FSTL4: variants seen among roughly 807,000 people sequenced by gnomAD.
FSTL4 encodes follistatin like 4, also known as follistatin-related protein 4.
In FSTL4, 28 loss-of-function variants were observed where a neutral mutation model predicts 78.2. That is an observed-to-expected ratio of 0.36 (90% CI 0.27 to 0.49). The LOEUF is 0.49. Ranked by LOEUF, FSTL4 falls within the 20% of genes least tolerant of loss-of-function variation. The probability of loss-of-function intolerance (pLI) is 0.98; values close to 1 mark genes in which losing one functional copy is unlikely to be tolerated. For synonymous variants in FSTL4, 422 were observed against 440.5 expected, an observed-to-expected ratio of 0.96 and a Z score of 0.53; for missense variants, 922 against 1,084.9, an observed-to-expected ratio of 0.85 and a Z score of 2.11.
chr5:133,555,548 T>G (rs1759768913), intron 3 of FSTL4, among the ~76,000 whole-genome samples: 1 of 152,196 alleles, frequency 6.6e-6, no homozygotes, highest in Non-Finnish European at 1.5e-5. Flanking sequence ...GGAAAGCTCT[T>G]TGAGAGCAAA....
At chr5:133,516,968 T>G (rs375231680) in intron 3 of FSTL4, among the ~76,000 whole-genome samples, 6 of 152,184 alleles carry the variant, frequency 3.9e-5, no homozygotes, top group Middle Eastern at 3.4e-3. Flanking sequence ...ATCCCAGCAC[T>G]TTGGGAGACT....
chr5:133,470,807 T>TAAAATAAAATAAAATAAAAAC (rs1334334074), intron 3 of FSTL4, among the ~76,000 whole-genome samples: 37 of 139,618 alleles, frequency 2.7e-4, no homozygotes, highest in East Asian at 4.0e-4. Flanking sequence ...AAAATAAAAA[T>TAAAATAAAATAAAATAAAAAC]AAATAAATAA....
At chr5:133,767,950 C>T in the FSTL4 span, among the ~76,000 whole-genome samples, 1 of 152,016 alleles carries the variant, frequency 6.6e-6, no homozygotes, top group African/African-American at 2.4e-5. Context: ...AAAACATTGA[C>T]AAAGAGGTCA....
At chr5:133,530,153 A>T (rs1383464429) in intron 3 of FSTL4, among the ~76,000 whole-genome samples, 1 of 152,308 alleles carries the variant, frequency 6.6e-6, no homozygotes, top group East Asian at 1.9e-4. Context: ...AGACAGCTGG[A>T]GACACCCTGG....
At chr5:133,266,288 T>G (rs1469958848) in intron 6 of FSTL4, among the ~76,000 whole-genome samples, 2 of 152,276 alleles carry the variant, frequency 1.3e-5, no homozygotes, top group Non-Finnish European at 2.9e-5. Context: ...GGTCCTGACC[T>G]TGGCAGCTTC....
chr5:133,403,065 A>G (rs1288824307), intron 3 of FSTL4, among the ~76,000 whole-genome samples: 2 of 152,228 alleles, frequency 1.3e-5, no homozygotes, highest in Non-Finnish European at 2.9e-5. Context: ...GGGTTGTTGG[A>G]AAATGGGTTA....
chr5:133,243,703 T>C (rs1011197606), intron 7 of FSTL4: 1 of 152,290 alleles, frequency 6.6e-6, no homozygotes, highest in African/African-American at 2.4e-5. Context: ...GATGAGCTGA[T>C]GCTTATGACC....
chr5:133,748,244 T>A, the FSTL4 span, among the ~76,000 whole-genome samples: 1 of 150,640 alleles, frequency 6.6e-6, no homozygotes, highest in Admixed American at 6.6e-5. Context: ...AACCAACTGC[T>A]CCCTGCCCTT....
Position 133,232,398 on chromosome 5 carries a change from AC to A in FSTL4, c.1015+1018del, listed in dbSNP as rs531319529. Among the ~76,000 whole-genome samples, 516 of 152,214 alleles carry A rather than the reference AC, an allele frequency of 3.4e-3. 2 individuals carry two copies. Among genetic ancestry groups the A allele is most frequent in the African/African-American group, 0.012 (483 of 41,524 alleles). On this transcript the variant is annotated intron_variant, in intron 8 of 15. Coordinates refer to ENST00000265342, the MANE Select transcript of FSTL4 (RefSeq NM_015082.2). ...AGCCTATATTCTATTCTTGGCTTGAACGTTTTCTCTGGGTCTTGATTTTCCA... is the reference window on the plus strand; with the variant it reads ...AGCCTATATTCTATTCTTGGCTTGAAGTTTTCTCTGGGTCTTGATTTTCCA...
chr5:133,201,577 C>T (rs1037031074), intron 15 of FSTL4, among the ~76,000 whole-genome samples: 4 of 152,188 alleles, frequency 2.6e-5, no homozygotes, highest in Middle Eastern at 3.2e-3. Flanking sequence ...GGGTTAAGAC[C>T]ACTGGGACTA....
intron 3 of FSTL4, among the ~76,000 whole-genome samples, chr5:133,439,828 T>C (rs969504702): frequency 1.3e-5 from 2 of 152,170 alleles, no homozygotes; most frequent in East Asian, 1.9e-4. Context: ...GGGGTTTTCA[T>C]GTACTTAGCC....
At chr5:133,314,687 G>A (rs2126890238) in intron 5 of FSTL4, among the ~76,000 whole-genome samples, 1 of 152,242 alleles carries the variant, frequency 6.6e-6, no homozygotes, top group South Asian at 2.1e-4. Flanking sequence ...GTCCCAGGCA[G>A]TGAACAACTC....
chr5:133,488,901 C>T (rs183123220), intron 3 of FSTL4, among the ~76,000 whole-genome samples: 3 of 152,188 alleles, frequency 2.0e-5, no homozygotes, highest in East Asian at 1.9e-4. Flanking sequence ...GGAGACTGCC[C>T]GTGAGAGATT....
At chr5:133,599,076 T>A (rs1217893313) in intron 2 of FSTL4, among the ~76,000 whole-genome samples, 1 of 151,804 alleles carries the variant, frequency 6.6e-6, no homozygotes, top group African/African-American at 2.4e-5. Context: ...GGGTTATGGG[T>A]GGTGGGGAGA....
chr5:133,498,555 C>T (rs1419170726), intron 3 of FSTL4, among the ~76,000 whole-genome samples: 3 of 151,954 alleles, frequency 2.0e-5, no homozygotes, highest in Non-Finnish European at 4.4e-5. Context: ...CCAGTCTCTA[C>T]TAAATATACA....
the FSTL4 span, among the ~76,000 whole-genome samples, chr5:133,782,893 C>T: frequency 5.9e-5 from 9 of 152,174 alleles, no homozygotes; most frequent in African/African-American, 1.7e-4. Flanking sequence ...CAGAACCTCA[C>T]GCTGCTCTAT....
At chr5:133,780,540 C>A in the FSTL4 span, among the ~76,000 whole-genome samples, 1 of 152,120 alleles carries the variant, frequency 6.6e-6, no homozygotes, top group Non-Finnish European at 1.5e-5. Flanking sequence ...GGGGACCTGG[C>A]CTGGCTTATC....
chr5:133,791,939 A>T, the FSTL4 span, among the ~76,000 whole-genome samples: 1 of 152,234 alleles, frequency 6.6e-6, no homozygotes, highest in Non-Finnish European at 1.5e-5. Context: ...CCGTGGTTCC[A>T]GGCACACCTC....
chr5:133,318,093 C>A (rs1282629183), intron 4 of FSTL4, among the ~76,000 whole-genome samples: 2 of 152,164 alleles, frequency 1.3e-5, no homozygotes. Flanking sequence ...GAAACAGATG[C>A]CCATTGCCAT....
Sources: allele counts gnomAD v4.1 joint callset (sites outside exome capture counted in the v4.1 genomes callset), GRCh38; gene constraint gnomAD v4.1.1; transcripts MANE v1.5; gene names NCBI Gene and HGNC (gene_info 2026-07-23, HGNC 2026-07-21).